KANSL1L: variants seen among roughly 807,000 people sequenced by gnomAD.
The protein encoded by KANSL1L is KAT8 regulatory NSL complex subunit 1 like, also known as KAT8 regulatory NSL complex subunit 1-like protein.
A neutral mutation model predicts 108.6 loss-of-function variants in KANSL1L; 25 were observed. That is an observed-to-expected ratio of 0.23 (90% confidence interval 0.17 to 0.32). The LOEUF is 0.32. KANSL1L is among the 10% of genes least tolerant of loss of function. The probability of loss-of-function intolerance (pLI) is 1.00; values close to 1 mark genes in which losing one functional copy is unlikely to be tolerated. For missense variants in KANSL1L, 1,137 were observed against 1,125.7 expected, an observed-to-expected ratio of 1.01 and a Z score of -0.14; for synonymous variants, 405 against 395.1, an observed-to-expected ratio of 1.03 and a Z score of -0.30.
At chr2:210,160,979 C>T (rs978970288) in intron 1 of KANSL1L, among the ~76,000 whole-genome samples, 1 of 149,642 alleles carries the variant, frequency 6.7e-6, no homozygotes, top group Non-Finnish European at 1.5e-5. Context: ...CACGCACATA[C>T]GGCCAATTTT....
At chr2:210,097,620 A>G (rs908752890) in intron 5 of KANSL1L, among the ~76,000 whole-genome samples, 3 of 152,202 alleles carry the variant, frequency 2.0e-5, no homozygotes, top group Non-Finnish European at 4.4e-5. Context: ...TTATAGTAAA[A>G]AAAATTTACC....
intron 3 of KANSL1L, among the ~76,000 whole-genome samples, chr2:210,110,256 T>C (rs1179577315): frequency 6.6e-6 from 1 of 152,224 alleles, no homozygotes; most frequent in Non-Finnish European, 1.5e-5. Context: ...TCCACTGCAC[T>C]AAGTGTAATT....
chr2:210,022,925 A>T lies in KANSL1L; in HGVS notation c.*24T>A. The T allele has an allele frequency of 6.6e-7, 1 of 1,505,662 alleles. No individual in the cohort carries two copies. The highest frequency in any genetic ancestry group is 1.1e-5 in the South Asian group (1 of 88,410). 93.3% of individuals were successfully genotyped at this position (1,505,662 alleles called of 1,614,324 possible). A position where few individuals can be genotyped will look rare whatever the true frequency, so the allele number is the denominator to read the frequency against. ...TTCCTCCCATCTTTCCTACATTTAC[A>T]TAGTTTTCTTAACCTGTTCCCTGTC... is the stretch of plus-strand genomic sequence containing the variant. On this transcript the variant is annotated 3_prime_UTR_variant, in exon 15 of 15. Coordinates refer to ENST00000281772, the MANE Select transcript of KANSL1L (RefSeq NM_152519.4).
intron 5 of KANSL1L, among the ~76,000 whole-genome samples, chr2:210,087,491 A>G (rs1485095146): frequency 6.6e-6 from 1 of 152,212 alleles, no homozygotes; most frequent in Non-Finnish European, 1.5e-5. Context: ...AACAAATAGA[A>G]TATCAATCTG....
intron 3 of KANSL1L, among the ~76,000 whole-genome samples, chr2:210,108,219 C>T (rs1337082626): frequency 2.0e-5 from 3 of 151,996 alleles, no homozygotes. Context: ...ACTAAAATAA[C>T]AAAAACATTG....
chr2:210,028,732 A>T, intron 11 of KANSL1L, 113 bp downstream of exon 11: 1 of 764,524 alleles, frequency 1.3e-6, no homozygotes, highest in Non-Finnish European at 2.1e-6. Flanking sequence ...CTCCATGGCT[A>T]TGAAGGAACT....
intron 6 of KANSL1L, among the ~76,000 whole-genome samples, chr2:210,052,033 CTCTGTCACCCACGGTGGAGAG>C (rs1213505530): frequency 2.9e-5 from 4 of 136,010 alleles, no homozygotes; most frequent in Non-Finnish European, 6.1e-5. Context: ...CAAGGTATTG[CTCTGTCACCCACGGTGGAGAG>C]TGGTGGCACA....
At chr2:210,104,030 G>A (rs1040236266) in intron 4 of KANSL1L, 74 bp downstream of exon 4, 3 of 1,127,354 alleles carry the variant, frequency 2.7e-6, no homozygotes, top group Non-Finnish European at 4.0e-6. Context: ...CACATATAAT[G>A]ATGTTTATTT....
At chr2:210,106,296 T>A (rs1040555527) in intron 3 of KANSL1L, among the ~76,000 whole-genome samples, 1 of 152,146 alleles carries the variant, frequency 6.6e-6, no homozygotes, top group African/African-American at 2.4e-5. Flanking sequence ...CTGTATAGAT[T>A]AGTCTGATAT....
At chr2:210,170,812 A>G (rs1045328761) in intron 1 of KANSL1L, among the ~76,000 whole-genome samples, 3 of 152,168 alleles carry the variant, frequency 2.0e-5, no homozygotes, top group African/African-American at 7.2e-5. Flanking sequence ...CGCACGCGCC[A>G]GCCAAAACAA....
rs956310996 is a variant in KANSL1L at position 210,024,032 on chromosome 2, C to G, written c.2733+1G>C. 26 of 1,561,158 alleles carry G rather than the reference C, an allele frequency of 1.7e-5. No individual in the cohort carries two copies. The highest frequency in any genetic ancestry group is 1.7e-4 in the Middle Eastern group (1 of 5,848). ...AGTTTAATCATACATATTACACTTA[C>G]CTTGGTTTCTTGACTTTGATTTAAA... On this transcript the variant is annotated splice_donor_variant, in intron 14 of 14. Coordinates refer to ENST00000281772, the MANE Select transcript of KANSL1L (RefSeq NM_152519.4). LOFTEE classifies it high-confidence loss of function.
chr2:210,123,940 T>C (rs758248501), intron 3 of KANSL1L, among the ~76,000 whole-genome samples: 1 of 152,092 alleles, frequency 6.6e-6, no homozygotes, highest in Non-Finnish European at 1.5e-5. Flanking sequence ...CTCAGTGTCA[T>C]AGTATTGGTT....
At chr2:210,026,659 A>G (rs1360202614) in intron 12 of KANSL1L, among the ~76,000 whole-genome samples, 2 of 152,266 alleles carry the variant, frequency 1.3e-5, no homozygotes, top group African/African-American at 2.4e-5. Flanking sequence ...AACTTAAATA[A>G]TGAGTGAGAC....
intron 2 of KANSL1L, among the ~76,000 whole-genome samples, chr2:210,146,557 A>T (rs1445729730): frequency 1.3e-5 from 2 of 152,240 alleles, no homozygotes; most frequent in East Asian, 1.9e-4. Context: ...TTATTTTTAA[A>T]TAAAGGTTAT....
intron 5 of KANSL1L, among the ~76,000 whole-genome samples, chr2:210,089,295 GAGTAC>G (rs1281926855): frequency 6.6e-6 from 1 of 152,102 alleles, no homozygotes; most frequent in Non-Finnish European, 1.5e-5. Context: ...AAGACACATT[GAGTAC>G]AGTAATTTCT....
At position 210,026,937 on chromosome 2, in the gene KANSL1L, A is replaced by T. The variant is rs568851419; in HGVS notation, c.2451+359T>A. Among the ~76,000 whole-genome samples the T allele has an allele frequency of 1.7e-3, 261 of 151,932 alleles. 4 individuals are homozygous for T. The highest frequency in any genetic ancestry group is 5.8e-4 in the East Asian group (3 of 5,162). On this transcript the variant is annotated intron_variant, in intron 12 of 14. Coordinates refer to ENST00000281772, the MANE Select transcript of KANSL1L (RefSeq NM_152519.4). ...AGGTGCCCACCACCACGCCCGACTA[A>T]TTTTTTTGTATTTTTAGTAGAGACG...
At chr2:210,056,790 T>A (rs1418089500) in intron 6 of KANSL1L, among the ~76,000 whole-genome samples, 3 of 152,150 alleles carry the variant, frequency 2.0e-5, no homozygotes, top group Non-Finnish European at 4.4e-5. Flanking sequence ...CAGTTAAGTA[T>A]CTTTCAAATG....
At chr2:210,115,870 C>T (rs1039873876) in intron 3 of KANSL1L, among the ~76,000 whole-genome samples, 8 of 152,282 alleles carry the variant, frequency 5.3e-5, no homozygotes, top group Non-Finnish European at 8.8e-5. Context: ...CAGAACAAGA[C>T]GGCTGAATAG....
At chr2:210,037,434 G>A (rs1385201608) in intron 8 of KANSL1L, among the ~76,000 whole-genome samples, 1 of 152,054 alleles carries the variant, frequency 6.6e-6, no homozygotes, top group Non-Finnish European at 1.5e-5. Context: ...ATTCCAACAA[G>A]TGAAATCGCA....
Sources: gnomAD v4.1 joint callset for allele counts (sites outside exome capture counted in the v4.1 genomes callset) on GRCh38, gnomAD v4.1.1 for gene constraint, MANE v1.5 for transcripts, NCBI Gene and HGNC (gene_info 2026-07-23, HGNC 2026-07-21) for gene names.